Variants in FMN2 observed in about 807,000 individuals in gnomAD.
The protein encoded by FMN2 is formin 2.
FMN2 carries 51 observed loss-of-function variants against 142.3 expected under a neutral mutation model. The observed-to-expected ratio is 0.36, with a 90% CI of 0.29 to 0.45. FMN2 has a LOEUF of 0.45. FMN2 is among the 20% of genes least tolerant of loss of function. The pLI, the probability that FMN2 is intolerant of heterozygous loss-of-function variation, is 1.00. For synonymous variants in FMN2, 882 were observed against 869.8 expected (o/e 1.01, Z -0.25); for missense variants, 1,936 against 2,122.8 (o/e 0.91, Z 1.73).
intron 2 of FMN2, among the ~76,000 whole-genome samples, chr1:240,156,449 TC>T (rs1368580408): frequency 6.6e-6 from 1 of 152,228 alleles, no homozygotes; most frequent in African/African-American, 2.4e-5. Context: ...TCCTTTTAAT[TC>T]ATCCATGTTG....
chr1:240,219,142 A>T (rs1667013898), intron 6 of FMN2, among the ~76,000 whole-genome samples: 1 of 152,122 alleles, frequency 6.6e-6, no homozygotes, highest in African/African-American at 2.4e-5. Flanking sequence ...TAGGAATGTG[A>T]ATGTAGATCA....
At chr1:240,356,904 T>A (rs1482539549) in intron 14 of FMN2, among the ~76,000 whole-genome samples, 1 of 152,148 alleles carries the variant, frequency 6.6e-6, no homozygotes, top group African/African-American at 2.4e-5. Context: ...TTGTGAAGAT[T>A]GAAACAGAAC....
chr1:240,337,852 T>A (rs888999094), intron 13 of FMN2, among the ~76,000 whole-genome samples: 1 of 152,208 alleles, frequency 6.6e-6, no homozygotes, highest in East Asian at 1.9e-4. Context: ...GTGTTTAGTT[T>A]CTCTGCTCAC....
At chr1:240,208,773 G>A in intron 5 of FMN2, 41 bp downstream of exon 5, 2 of 1,544,014 alleles carry the variant, frequency 1.3e-6, no homozygotes. Context: ...GTGTGTGTCA[G>A]TATTAGGGAA....
At chr1:240,337,927 C>T (rs1376474906) in intron 13 of FMN2, among the ~76,000 whole-genome samples, 3 of 152,140 alleles carry the variant, frequency 2.0e-5, no homozygotes, top group Admixed American at 2.0e-4. Context: ...ACTTGTAGTT[C>T]GTTAAGCAAC....
intron 2 of FMN2, among the ~76,000 whole-genome samples, chr1:240,177,304 A>G (rs940931437): frequency 6.6e-6 from 1 of 150,708 alleles, no homozygotes; most frequent in Non-Finnish European, 1.5e-5. Context: ...TTCTGTCCAG[A>G]TTCTGTTGGT....
At chr1:240,435,901 A>G (rs1255002146) in intron 15 of FMN2, among the ~76,000 whole-genome samples, 2 of 152,252 alleles carry the variant, frequency 1.3e-5, no homozygotes, top group Non-Finnish European at 2.9e-5. Context: ...TATGAAGTTC[A>G]AAGACCAGAG....
chr1:240,148,751 C>T (rs945761713), intron 2 of FMN2, among the ~76,000 whole-genome samples: 11 of 152,086 alleles, frequency 7.2e-5, no homozygotes, highest in Admixed American at 2.6e-4. Flanking sequence ...GAGGCCGAGG[C>T]GGGCGGATCA....
intron 6 of FMN2, among the ~76,000 whole-genome samples, chr1:240,214,972 G>C (rs1235431945): frequency 6.6e-6 from 1 of 151,978 alleles, no homozygotes; most frequent in Admixed American, 6.6e-5. Context: ...AAGCTGAGAT[G>C]GGAAGATCAT....
At position 240,093,071 on chromosome 1, in the gene FMN2, C is replaced by T. The variant is rs1418572131; in HGVS notation, c.962C>T (p.Thr321Met). The stretch of plus-strand genomic sequence containing the variant: ...GCGGCCAAAGACTCGCCCTCCTCCA[C>T]GGCTTTCCCATTTCCCGAGGCCGGG... ...QPAAKDSPSS[T>M]AFPFPEAGPG... Residue 321 changes from threonine to methionine, a missense_variant, in exon 1 of 18, where the codon ACG becomes ATG. Around this residue, in one of 8 missense-constraint regions of FMN2, gnomAD observed 751 missense variants for 791.8 expected, o/e 0.95. Coordinates refer to ENST00000319653, the MANE Select transcript of FMN2 (RefSeq NM_020066.5). 21 of 1,396,006 alleles carry T rather than the reference C, an allele frequency of 1.5e-5. No homozygotes were observed. The highest frequency in any genetic ancestry group is 1.8e-5 in the Non-Finnish European group (20 of 1,084,886). The allele number at this position is 1,396,006 out of a possible 1,614,324, so 86.5% of individuals were successfully genotyped here. A position where few individuals can be genotyped will look rare whatever the true frequency, so the allele number is the denominator to read the frequency against.
chr1:240,177,741 G>GA (rs3835306), intron 2 of FMN2, 180 bp from the exon 3 acceptor site: 85,236 of 441,410 alleles, frequency 0.19, 8,835 homozygotes, highest in African/African-American at 0.29. Context: ...ATGACTGCGT[G>GA]AAAAAAATGT....
At chr1:240,441,347 T>G (rs1160945741) in intron 16 of FMN2, among the ~76,000 whole-genome samples, 2 of 152,070 alleles carry the variant, frequency 1.3e-5, no homozygotes, top group African/African-American at 4.8e-5. Context: ...CCAAAATGTT[T>G]TGAATGCCCT....
At chr1:240,109,329 G>T (rs1451978152) in intron 1 of FMN2, among the ~76,000 whole-genome samples, 3 of 152,206 alleles carry the variant, frequency 2.0e-5, no homozygotes, top group Non-Finnish European at 2.9e-5. Context: ...TACTGAAGTG[G>T]ATTGTCACTG....
chr1:240,314,476 C>A (rs2102991618), intron 8 of FMN2, among the ~76,000 whole-genome samples: 1 of 152,150 alleles, frequency 6.6e-6, no homozygotes, highest in East Asian at 1.9e-4. Context: ...AAAAATAGTC[C>A]AAATTTCTAC....
At chr1:240,274,444 C>T (rs1384809258) in intron 7 of FMN2, among the ~76,000 whole-genome samples, 2 of 152,004 alleles carry the variant, frequency 1.3e-5, no homozygotes, top group Non-Finnish European at 2.9e-5. Context: ...AGAGAGCACT[C>T]AGCGGGGAGA....
chr1:240,369,136 C>A (rs1232528266), intron 14 of FMN2, among the ~76,000 whole-genome samples: 1 of 152,086 alleles, frequency 6.6e-6, no homozygotes, highest in Non-Finnish European at 1.5e-5. Flanking sequence ...CCTCCATCTC[C>A]CCACTTCCCT....
chr1:240,116,026 C>A (rs570332575), intron 1 of FMN2, among the ~76,000 whole-genome samples: 1 of 152,172 alleles, frequency 6.6e-6, no homozygotes, highest in Admixed American at 6.5e-5. Flanking sequence ...CTGGCGCTGG[C>A]GGGTCCATGC....
Position 240,207,498 on chromosome 1 carries a change from A to G in FMN2, c.2686A>G (p.Ile896Val), listed in dbSNP as rs548050735. 38 of 1,602,634 alleles carry G rather than the reference A, an allele frequency of 2.4e-5. No individual in the cohort carries two copies. Among genetic ancestry groups the G allele is most frequent in the African/African-American group, 4.2e-5 (3 of 71,446 alleles). Residue 896 changes from isoleucine (I) to valine (V), a missense_variant, in exon 5 of 18, where the codon ATT becomes GTT. Ile to Val is a conservative substitution (Grantham distance 29, BLOSUM62 3). Around this residue, in one of 8 missense-constraint regions of FMN2, gnomAD observed 478 missense variants for 462.8 expected, o/e 1.03. Coordinates refer to ENST00000319653, the MANE Select transcript of FMN2 (RefSeq NM_020066.5). ...MTVPTLPSTA[I>V]PQPPPLQGTE... ...AGTGCCTACTCTGCCCAGTACAGCC[A>G]TTCCCCAACCTCCTCCTCTGCAGGG...
chr1:240,401,289 T>A (rs1673980367), intron 15 of FMN2, among the ~76,000 whole-genome samples: 1 of 152,204 alleles, frequency 6.6e-6, no homozygotes, highest in South Asian at 2.1e-4. Context: ...CCTTTTATTT[T>A]TATTATAGAT....
Sources: allele counts gnomAD v4.1 joint callset (sites outside exome capture counted in the v4.1 genomes callset), GRCh38; gene constraint gnomAD v4.1.1; regional missense constraint gnomAD v4.1.1; transcripts MANE v1.5; gene names NCBI Gene and HGNC (gene_info 2026-07-23, HGNC 2026-07-21).